Variants in TLN2 observed in about 807,000 individuals in gnomAD.
The protein encoded by TLN2 is talin 2, also known as talin-2.
In TLN2, 118 loss-of-function variants were observed where a neutral mutation model predicts 294.7. The observed-to-expected ratio is 0.40, with a 90% confidence interval of 0.34 to 0.47. The LOEUF is 0.47. Ranked by LOEUF, TLN2 falls within the 20% of genes least tolerant of loss-of-function variation. The pLI, the probability that TLN2 is intolerant of heterozygous loss-of-function variation, is 0.84. For synonymous variants in TLN2, 1,431 were observed against 1,304.5 expected (o/e 1.10, Z -2.09); for missense variants, 3,083 against 3,282.2 (o/e 0.94, Z 1.48).
chr15:62,667,251 C>A (rs1271927828), intron 9 of TLN2, among the ~76,000 whole-genome samples: 2 of 152,188 alleles, frequency 1.3e-5, no homozygotes, highest in East Asian at 3.9e-4. Flanking sequence ...CAGGCGTGAG[C>A]CACCGTGCCT....
At chr15:62,482,602 C>CAAAAAAA (rs781297837) in intron 1 of TLN2, among the ~76,000 whole-genome samples, 1 of 75,780 alleles carries the variant, frequency 1.3e-5, no homozygotes, top group African/African-American at 4.7e-5. Flanking sequence ...AACGTTGTCT[C>CAAAAAAA]AAAAAAAAAA....
At chr15:62,544,640 C>T (rs571802461) in intron 1 of TLN2, among the ~76,000 whole-genome samples, 8 of 152,240 alleles carry the variant, frequency 5.3e-5, no homozygotes, top group African/African-American at 1.9e-4. Context: ...GCCACTGCGC[C>T]ATCCTACATT....
chr15:62,564,925 A>ATATAT (rs1555430770), intron 1 of TLN2, among the ~76,000 whole-genome samples: 1,231 of 80,418 alleles, frequency 0.015, 18 homozygotes, highest in Middle Eastern at 0.026. Flanking sequence ...AAAAAAAAAA[A>ATATAT]ATATATATAT....
chr15:62,809,069 C>T (rs2066494379), intron 51 of TLN2, among the ~76,000 whole-genome samples: 1 of 152,120 alleles, frequency 6.6e-6, no homozygotes, highest in South Asian at 2.1e-4. Context: ...TTCTGCAAGC[C>T]CCTCAGTTTC....
chr15:62,522,913 A>G (rs983933810), intron 1 of TLN2, among the ~76,000 whole-genome samples: 5 of 151,402 alleles, frequency 3.3e-5, no homozygotes, highest in African/African-American at 1.2e-4. Flanking sequence ...GCTGCTAATG[A>G]AATGAGTGGT....
chr15:62,541,642 A>G (rs1483586538), intron 1 of TLN2, among the ~76,000 whole-genome samples: 1 of 152,130 alleles, frequency 6.6e-6, no homozygotes, highest in Admixed American at 6.6e-5. Context: ...TGAGATGGAA[A>G]GAGAATGAGC....
Position 62,556,532 on chromosome 15 carries a change from CAA to C in TLN2, c.-237-33154_-237-33153del, listed in dbSNP as rs895786709. 5.7e-4 allele frequency among the ~76,000 whole-genome samples: 86 copies of C among 152,032 alleles called. 1 individual carries two copies. The highest frequency in any genetic ancestry group is 2.0e-3 in the African/African-American group (81 of 41,438). The stretch of plus-strand genomic sequence containing the variant: ...TTTGCCATGTTGTCCAGGCTGGTCT[CAA>C]GAGATCCTCCTGCCGCAGCCTCCTA... On this transcript the variant is annotated intron_variant, in intron 1 of 58. Transcript: ENST00000636159.
Position 62,739,426 on chromosome 15 carries a change from G to A in TLN2, c.3766G>A (p.Gly1256Arg), listed in dbSNP as rs777680847. 6.2e-6 allele frequency: 10 copies of A among 1,614,192 alleles called. No individual in the cohort carries two copies. The highest frequency in any genetic ancestry group is 7.6e-6 in the Non-Finnish European group (9 of 1,180,028). Residue 1256 changes from glycine to arginine, a missense_variant, in exon 31 of 59, where the codon GGG becomes AGG. By Grantham distance (125) the Gly-to-Arg change is moderately radical. Coordinates refer to ENST00000636159, the MANE Select transcript of TLN2 (RefSeq NM_015059.3). ...QAAADLNQSA[G>R]EVVHATRGQS... Reference sequence around the variant, plus strand: ...AGCAGCTGATCTGAACCAGTCTGCTGGGGAAGTGGTCCATGCCACCCGGGG... The same window carrying A: ...AGCAGCTGATCTGAACCAGTCTGCTAGGGAAGTGGTCCATGCCACCCGGGG...
intron 1 of TLN2, among the ~76,000 whole-genome samples, chr15:62,479,537 C>T (rs556534751): frequency 2.5e-4 from 38 of 152,102 alleles, no homozygotes; most frequent in Admixed American, 1.0e-3. Context: ...AGTGCAGTGG[C>T]GCAATCTTGG....
intron 43 of TLN2, among the ~76,000 whole-genome samples, chr15:62,778,091 T>TA (rs1415064630): frequency 4.6e-5 from 7 of 152,252 alleles, no homozygotes; most frequent in African/African-American, 1.7e-4. Context: ...TGGTTGTTCA[T>TA]ATCTCCATGA....
rs78253883 is a variant in TLN2 at position 62,423,020 on chromosome 15, C to A, written c.-238+32335C>A. ...GGTCTGCACAGTGTAGTGCAGCCTG[C>A]AGCTGGCTTCTCCCAGGGGGAAGAG... On this transcript the variant is annotated intron_variant, in intron 1 of 58. Transcript: ENST00000636159. Among the ~76,000 whole-genome samples, 749 of 152,332 alleles carry A rather than the reference C, an allele frequency of 4.9e-3. 5 individuals are homozygous for A. The highest frequency in any genetic ancestry group is 8.6e-3 in the Non-Finnish European group (582 of 68,020).
intron 2 of TLN2, among the ~76,000 whole-genome samples, chr15:62,613,737 T>G (rs2048097324): frequency 6.6e-6 from 1 of 151,976 alleles, no homozygotes; most frequent in Non-Finnish European, 1.5e-5. Context: ...GAAATCATGT[T>G]ATGTCCATTC....
Position 62,716,351 on chromosome 15 carries a change from G to C in TLN2, c.2655G>C (p.Glu885Asp). 6.2e-7 allele frequency: 1 copy of C among 1,608,170 alleles called. No homozygotes were observed. The highest frequency in any genetic ancestry group is 8.5e-7 in the Non-Finnish European group (1 of 1,177,694). ...TGCAGGGGGCTGCAGCCAACCCAGAGAATGAGGACCAGCAGCAAAGGCTGA... is the reference window on the plus strand; with the variant it reads ...TGCAGGGGGCTGCAGCCAACCCAGACAATGAGGACCAGCAGCAAAGGCTGA... ...EAAKGAAANP[E>D]NEDQQQRLRE... Residue 885 changes from glutamate to aspartate, a missense_variant, in exon 23 of 59, where the codon GAG becomes GAC. Coordinates refer to ENST00000636159, the MANE Select transcript of TLN2 (RefSeq NM_015059.3).
intron 14 of TLN2, among the ~76,000 whole-genome samples, chr15:62,696,618 G>T (rs2058358045): frequency 6.6e-6 from 1 of 152,178 alleles, no homozygotes; most frequent in Non-Finnish European, 1.5e-5. Context: ...TGAGGCAGGA[G>T]AATCGCTTGA....
chr15:62,555,934 CTT>C (rs11356198), intron 1 of TLN2, among the ~76,000 whole-genome samples: 3,878 of 120,082 alleles, frequency 0.032, 132 homozygotes, highest in African/African-American at 0.094. Flanking sequence ...ATTTTTTAAA[CTT>C]TTTTTTTTTT....
chr15:62,614,413 A>G (rs1336153604), intron 2 of TLN2, among the ~76,000 whole-genome samples: 1 of 152,222 alleles, frequency 6.6e-6, no homozygotes, highest in South Asian at 2.1e-4. Flanking sequence ...ATTAGTCATT[A>G]CAGCATCAAC....
At chr15:62,646,599 G>A (rs2051880988) in intron 3 of TLN2, among the ~76,000 whole-genome samples, 1 of 152,200 alleles carries the variant, frequency 6.6e-6, no homozygotes, top group Non-Finnish European at 1.5e-5. Flanking sequence ...TACCCTTTGG[G>A]TTTAAGATTG....
At chr15:62,818,263 C>CA (rs2067273616) in intron 52 of TLN2, among the ~76,000 whole-genome samples, 1 of 152,176 alleles carries the variant, frequency 6.6e-6, no homozygotes, top group African/African-American at 2.4e-5. Flanking sequence ...TCAGAGGCTC[C>CA]AAAATTGTGC....
At chr15:62,648,471 C>A (rs2140936172) in intron 4 of TLN2, among the ~76,000 whole-genome samples, 1 of 115,744 alleles carries the variant, frequency 8.6e-6, no homozygotes, top group Admixed American at 8.6e-5. Flanking sequence ...ATTATAAATA[C>A]AAAAATATCT....
Sources: gnomAD v4.1 joint callset for allele counts (sites outside exome capture counted in the v4.1 genomes callset) on GRCh38, gnomAD v4.1.1 for gene constraint, MANE v1.5 for transcripts, NCBI Gene and HGNC (gene_info 2026-07-23, HGNC 2026-07-21) for gene names.